AKAP9: variants seen among roughly 807,000 people sequenced by gnomAD.
The protein encoded by AKAP9 is A-kinase anchoring protein 9.
A neutral mutation model predicts 488.5 loss-of-function variants in AKAP9; 311 were observed. That is an observed-to-expected ratio of 0.64 (90% CI 0.58 to 0.70). The LOEUF (loss-of-function observed/expected upper bound fraction) is 0.70, where lower values mean the gene tolerates loss of function less well. Among genes scored for constraint, AKAP9 ranks in the 30% least tolerant of loss-of-function variants. The pLI, the probability that AKAP9 is intolerant of heterozygous loss-of-function variation, is 0.00. For missense variants in AKAP9, 4,215 were observed against 4,374.5 expected (o/e 0.96, Z 1.03); for synonymous variants, 1,462 against 1,483.5 (o/e 0.99, Z 0.33).
chr7:92,058,709 A>G (rs1019733942), intron 22 of AKAP9, among the ~76,000 whole-genome samples: 4 of 152,042 alleles, frequency 2.6e-5, no homozygotes, highest in Admixed American at 6.6e-5. Flanking sequence ...CTGAATAAGA[A>G]TGGAATAATT....
At chr7:91,999,178 C>T (rs1334597703) in intron 7 of AKAP9, among the ~76,000 whole-genome samples, 1 of 152,096 alleles carries the variant, frequency 6.6e-6, no homozygotes, top group Non-Finnish European at 1.5e-5. Flanking sequence ...TCAACTGAGA[C>T]GAGCTACCTC....
rs546024452 is a variant in AKAP9, at chr7:92,095,142, G to A, written c.9698G>A (p.Arg3233His). 1.5e-5 allele frequency: 24 copies of A among 1,614,044 alleles called. No homozygotes were observed. The highest frequency in any genetic ancestry group is 8.3e-5 in the Admixed American group (5 of 60,008). Residue 3233 changes from arginine (R) to histidine (H), a missense_variant, in exon 40 of 50, where the codon CGC becomes CAC. Arg to His is a conservative substitution (Grantham distance 29). Transcript: ENST00000356239. Reference sequence around the variant, plus strand: ...GAGAAAGAGAAAGCCAAGTTGGGACGCAGTGAAGAACGGGATAAAGAAGAA... The same window carrying A: ...GAGAAAGAGAAAGCCAAGTTGGGACACAGTGAAGAACGGGATAAAGAAGAA... ...ALEKEKAKLG[R>H]SEERDKEELE...
intron 45 of AKAP9, among the ~76,000 whole-genome samples, chr7:92,101,788 A>C (rs368063028): frequency 1.3e-5 from 2 of 152,352 alleles, no homozygotes; most frequent in East Asian, 3.9e-4. Flanking sequence ...ATAAAATTCA[A>C]AACAAAAAGA....
Position 92,003,138 on chromosome 7 carries a change from A to C in AKAP9, c.3221A>C (p.His1074Pro). 1 of 1,610,824 alleles carries C rather than the reference A, an allele frequency of 6.2e-7. No homozygotes were observed. Among genetic ancestry groups the C allele is most frequent in the East Asian group, 2.2e-5 (1 of 44,814 alleles). The change falls in exon 8 of 50, where the codon CAC becomes CCC. Residue 1074 changes from histidine (H) to proline (P), a missense_variant. Around this residue, in one of 5 missense-constraint regions of AKAP9, gnomAD observed 2,361 missense variants for 2,430.0 expected, o/e 0.97. Coordinates refer to ENST00000356239, the MANE Select transcript of AKAP9 (RefSeq NM_005751.5). ...AAGCAAGAACAGTTGATTTTGGATC[A>C]CTTACCATCTGTAACAAAGGAATCA... The part of the protein sequence containing the change: ...ESKQEQLILD[H>P]LPSVTKESSL...
rs767354362 is a variant in AKAP9, at chr7:92,079,534, A to C, written c.7401A>C (p.Val2467=). The change falls in exon 31 of 50, where the codon GTA becomes GTC. Residue 2467 remains valine (V), a synonymous_variant. Transcript: ENST00000356239. Reference sequence around the variant, plus strand: ...GCAAAGACAAACCTGAACTAGAAGTAGTCCTTACAGAGGATGCTCTTAAAT... The same window carrying C: ...GCAAAGACAAACCTGAACTAGAAGTCGTCCTTACAGAGGATGCTCTTAAAT... The part of the protein sequence containing the change: ...HLSKDKPELE[V]VLTEDALKSL... 6.2e-7 allele frequency: 1 copy of C among 1,613,744 alleles called. No homozygotes were observed.
At chr7:91,995,885 C>T (rs1288908364) in intron 7 of AKAP9, 85 bp downstream of exon 7, 1 of 916,726 alleles carries the variant, frequency 1.1e-6, no homozygotes, top group Non-Finnish European at 1.7e-6. Context: ...TTTTGTTAGG[C>T]ACATGAATCA....
chr7:91,951,126 G>A (rs751470619), intron 1 of AKAP9, among the ~76,000 whole-genome samples: 14 of 151,792 alleles, frequency 9.2e-5, no homozygotes, highest in East Asian at 3.9e-4. Context: ...AGAAGAATGC[G>A]TAATTTTTTA....
intron 1 of AKAP9, among the ~76,000 whole-genome samples, chr7:91,954,988 T>C (rs1296643336): frequency 6.6e-6 from 1 of 152,234 alleles, no homozygotes; most frequent in Non-Finnish European, 1.5e-5. Flanking sequence ...ATATAAACTG[T>C]ACTTTATAGA....
intron 16 of AKAP9, among the ~76,000 whole-genome samples, chr7:92,034,436 TC>T (rs1804813477): frequency 1.3e-5 from 2 of 150,524 alleles, no homozygotes; most frequent in Non-Finnish European, 3.0e-5. Flanking sequence ...GGCTCACACT[TC>T]CGGTGAATTT....
chr7:92,042,104 A>T lies in AKAP9; in HGVS notation c.4976A>T (p.Glu1659Val), dbSNP rs777084224. 1.2e-6 allele frequency: 2 copies of T among 1,613,992 alleles called. No individual in the cohort carries two copies. Among genetic ancestry groups the T allele is most frequent in the Admixed American group, 3.3e-5 (2 of 59,984 alleles). ...GAGAGAGAGAGGGTGCTTTTAGAGG[A>T]GCTGGAAGCACTAAAGCAGCTGTCT... is the stretch of plus-strand genomic sequence containing the variant. ...VSERERVLLE[E>V]LEALKQLSLA... The change falls in exon 19 of 50, where the codon GAG (glutamate) becomes GTG (valine). Residue 1659 changes from glutamate (E) to valine (V), a missense_variant. Physicochemically the swap from Glu to Val is moderately radical, Grantham distance 121. Around this residue, in one of 5 missense-constraint regions of AKAP9, gnomAD observed 2,361 missense variants for 2,430.0 expected, o/e 0.97. Transcript: ENST00000356239.
In AKAP9 at chr7:92,096,926, C is replaced by T. The variant is rs1352400309; in HGVS notation, c.9967C>T (p.His3323Tyr). 1.2e-6 allele frequency: 2 copies of T among 1,614,070 alleles called. No homozygotes were observed. Among genetic ancestry groups the T allele is most frequent in the Non-Finnish European group, 1.7e-6 (2 of 1,180,044 alleles). The change falls in exon 41 of 50, where the codon CAC becomes TAC. Residue 3323 changes from histidine to tyrosine, a missense_variant. Around this residue, in one of 5 missense-constraint regions of AKAP9, gnomAD observed 1,476 missense variants for 1,477.4 expected, o/e 1.00. Transcript: ENST00000356239. ...SSTLDREREL[H>Y]AQLQSSDGTG... ...TACCCTAGATAGGGAGCGGGAATTG[C>T]ACGCACAGCTGCAGAGCAGTGATGG...
chr7:92,040,994 T>G, intron 18 of AKAP9, 96 bp downstream of exon 18: 1 of 1,105,994 alleles, frequency 9.0e-7, no homozygotes, highest in Non-Finnish European at 1.3e-6. Context: ...GTATTTTTTA[T>G]GTAGCCATAA....
At chr7:91,954,767 CCTCA>C in intron 1 of AKAP9, among the ~76,000 whole-genome samples, 1 of 152,252 alleles carries the variant, frequency 6.6e-6, no homozygotes, top group South Asian at 2.1e-4. Context: ...CAGTGTCAGG[CCTCA>C]CTATTTTTTG....
chr7:92,104,336 G>GC (rs1437738776), intron 46 of AKAP9, among the ~76,000 whole-genome samples: 4 of 151,490 alleles, frequency 2.6e-5, no homozygotes, highest in Non-Finnish European at 5.9e-5. Context: ...GACTACAGGC[G>GC]CCCACCACCA....
intron 38 of AKAP9, 122 bp downstream of exon 38, chr7:92,089,651 T>C: frequency 9.0e-7 from 1 of 1,114,180 alleles, no homozygotes; most frequent in Non-Finnish European, 1.3e-6. Context: ...CTCATTCTCA[T>C]AATGTTAAGG....
Position 92,096,961 on chromosome 7 carries a change from G to C in AKAP9, c.10002G>C (p.Gln3334His). Residue 3334 changes from glutamine to histidine, a missense_variant, in exon 41 of 50, where the codon CAG (glutamine) becomes CAC (histidine). Gln to His is a conservative substitution (Grantham distance 24). Coordinates refer to ENST00000356239, the MANE Select transcript of AKAP9 (RefSeq NM_005751.5). ...TGCAGAGCAGTGATGGTACTGGACAGTCTCGGCCACCCTTGCCCTCAGAGG... is the reference window on the plus strand; with the variant it reads ...TGCAGAGCAGTGATGGTACTGGACACTCTCGGCCACCCTTGCCCTCAGAGG... ...AQLQSSDGTGQSRPPLPSEDL... is the reference protein window; with the variant it reads ...AQLQSSDGTGHSRPPLPSEDL... The C allele has an allele frequency of 6.2e-7, 1 of 1,614,214 alleles. No individual in the cohort carries two copies. Among genetic ancestry groups the C allele is most frequent in the Non-Finnish European group, 8.5e-7 (1 of 1,179,998 alleles).
intron 2 of AKAP9, among the ~76,000 whole-genome samples, chr7:91,979,850 A>G (rs1043276139): frequency 6.6e-6 from 1 of 152,216 alleles, no homozygotes; most frequent in Non-Finnish European, 1.5e-5. Context: ...AGAACAGTGC[A>G]CAATTTAAAA....
At chr7:92,096,335 T>G (rs868514936) in intron 40 of AKAP9, among the ~76,000 whole-genome samples, 3 of 121,630 alleles carry the variant, frequency 2.5e-5, no homozygotes, top group South Asian at 2.4e-4. Context: ...GTTTTTTTTG[T>G]TTTTTTTTTT....
rs1364090477 is a variant in AKAP9, at chr7:91,940,870, G to T, written c.-230G>T. The T allele has an allele frequency of 8.5e-6, 5 of 586,524 alleles. No homozygotes were observed. Among genetic ancestry groups the T allele is most frequent in the African/African-American group, 1.9e-5 (1 of 53,366 alleles). The allele number at this position is 586,524 out of a possible 1,614,324, so 36.3% of individuals were successfully genotyped here. On this transcript the variant is annotated 5_prime_UTR_variant, in exon 1 of 50. Transcript: ENST00000356239. Reference sequence around the variant, plus strand: ...CCCTCCCGCCTCGCCGTGTGTTTACGTGGAGACGAAGATGGCGGCGGCGGC... The same window carrying T: ...CCCTCCCGCCTCGCCGTGTGTTTACTTGGAGACGAAGATGGCGGCGGCGGC...
Sources: gnomAD v4.1 joint callset for allele counts (sites outside exome capture counted in the v4.1 genomes callset) on GRCh38, gnomAD v4.1.1 for gene constraint, gnomAD v4.1.1 regional missense constraint, MANE v1.5 for transcripts, NCBI Gene and HGNC (gene_info 2026-07-23, HGNC 2026-07-21) for gene names.